Variants in CADPS2 observed in about 807,000 individuals in gnomAD.
The protein encoded by CADPS2 is calcium dependent secretion activator 2, also known as calcium-dependent secretion activator 2.
Under a neutral mutation model 172.5 loss-of-function variants are expected in CADPS2, and 93 were observed. That is an observed-to-expected ratio of 0.54 (90% CI 0.46 to 0.64). The LOEUF (loss-of-function observed/expected upper bound fraction) is 0.64, where lower values mean the gene tolerates loss of function less well. Ranked by LOEUF, CADPS2 falls within the 30% of genes least tolerant of loss-of-function variation. The probability of loss-of-function intolerance (pLI) is 0.00; values close to 1 mark genes in which losing one functional copy is unlikely to be tolerated. For missense variants in CADPS2, 1,420 were observed against 1,565.9 expected, an observed-to-expected ratio of 0.91 and a Z score of 1.57; for synonymous variants, 546 against 555.2, an observed-to-expected ratio of 0.98 and a Z score of 0.23.
At chr7:122,699,070 T>G (rs2085620150) in intron 2 of CADPS2, 1 of 607,448 alleles carries the variant, frequency 1.6e-6, no homozygotes, top group Admixed American at 3.5e-5. Context: ...TAAAGATGGC[T>G]TATGAGTTTC....
At chr7:122,643,820 G>A (rs942421927) in intron 3 of CADPS2, among the ~76,000 whole-genome samples, 1 of 152,120 alleles carries the variant, frequency 6.6e-6, no homozygotes, top group African/African-American at 2.4e-5. Flanking sequence ...ACTTGGCACG[G>A]TAGCTTATGC....
intron 15 of CADPS2, among the ~76,000 whole-genome samples, chr7:122,449,046 G>A (rs987527299): frequency 6.6e-6 from 1 of 152,188 alleles, no homozygotes; most frequent in Admixed American, 6.5e-5. Flanking sequence ...ACTGAATAAA[G>A]CTTGTCTTAA....
intron 3 of CADPS2, among the ~76,000 whole-genome samples, chr7:122,659,775 T>C (rs1287665107): frequency 1.3e-5 from 2 of 152,082 alleles, no homozygotes; most frequent in Non-Finnish European, 2.9e-5. Context: ...AATAACACCT[T>C]ACCTCTAAAG....
At chr7:122,810,220 C>T (rs7802395) in intron 1 of CADPS2, among the ~76,000 whole-genome samples, 30,192 of 151,942 alleles carry the variant, frequency 0.2, 3,113 homozygotes, top group Middle Eastern at 0.3. Flanking sequence ...TCTTCCTTCC[C>T]CAGAACTCTT....
chr7:122,829,524 C>A (rs1265033058), intron 1 of CADPS2, among the ~76,000 whole-genome samples: 2 of 152,008 alleles, frequency 1.3e-5, no homozygotes, highest in African/African-American at 4.8e-5. Flanking sequence ...TTTTATTTAT[C>A]CTATGGAAAA....
chr7:122,611,446 T>A (rs2074281136), intron 6 of CADPS2, among the ~76,000 whole-genome samples: 1 of 152,038 alleles, frequency 6.6e-6, no homozygotes, highest in Non-Finnish European at 1.5e-5. Flanking sequence ...TTAGAGAACT[T>A]GGATGAATTG....
At chr7:122,427,051 G>C (rs2049254283) in intron 17 of CADPS2, 1 of 152,192 alleles carries the variant, frequency 6.6e-6, no homozygotes, top group Non-Finnish European at 1.5e-5. Context: ...GCTGTTCAGA[G>C]TGTTACAGAT....
At chr7:122,368,873 T>C (rs1219607232) in intron 25 of CADPS2, among the ~76,000 whole-genome samples, 2 of 152,004 alleles carry the variant, frequency 1.3e-5, no homozygotes, top group Non-Finnish European at 2.9e-5. Context: ...CTGTCAGTTT[T>C]TAAAAAACCC....
chr7:122,344,515 C>G (rs1238874936), intron 28 of CADPS2, among the ~76,000 whole-genome samples: 1 of 152,018 alleles, frequency 6.6e-6, no homozygotes, highest in African/African-American at 2.4e-5. Flanking sequence ...ATTGTCATGC[C>G]TAAATGAAGA....
At chr7:122,522,279 T>C (rs2060866034) in intron 8 of CADPS2, among the ~76,000 whole-genome samples, 2 of 152,030 alleles carry the variant, frequency 1.3e-5, no homozygotes, top group African/African-American at 4.8e-5. Flanking sequence ...CATACCCAGC[T>C]AATTTTTGTA....
At chr7:122,391,491 G>T (rs1427705459) in intron 22 of CADPS2, among the ~76,000 whole-genome samples, 2 of 151,992 alleles carry the variant, frequency 1.3e-5, no homozygotes, top group East Asian at 3.9e-4. Flanking sequence ...AGGAAGAAAA[G>T]GAGTTAAATT....
intron 9 of CADPS2, among the ~76,000 whole-genome samples, chr7:122,501,060 G>A (rs1347584892): frequency 6.6e-6 from 1 of 151,910 alleles, no homozygotes; most frequent in Admixed American, 6.6e-5. Context: ...TTCAAGACTA[G>A]CGTAGGCAAC....
At chr7:122,669,427 T>C (rs1042196634) in intron 2 of CADPS2, among the ~76,000 whole-genome samples, 1 of 151,586 alleles carries the variant, frequency 6.6e-6, no homozygotes, top group African/African-American at 2.4e-5. Context: ...AGGAGGATTA[T>C]ACAGGCATCT....
intron 2 of CADPS2, among the ~76,000 whole-genome samples, chr7:122,674,233 G>C (rs2082174145): frequency 6.6e-6 from 1 of 152,196 alleles, no homozygotes; most frequent in Admixed American, 6.5e-5. Flanking sequence ...CCTGCAAGCA[G>C]AGGGAGCCAG....
At chr7:122,658,317 T>C (rs1014778993) in intron 3 of CADPS2, among the ~76,000 whole-genome samples, 2 of 152,182 alleles carry the variant, frequency 1.3e-5, no homozygotes, top group African/African-American at 4.8e-5. Flanking sequence ...TCAACCACTG[T>C]GAAAGACAGT....
chr7:122,612,094 C>T (rs1357677532), intron 6 of CADPS2, among the ~76,000 whole-genome samples: 3 of 151,898 alleles, frequency 2.0e-5, no homozygotes, highest in African/African-American at 7.2e-5. Context: ...AAATTCAGAG[C>T]TAAAATCAGA....
chr7:122,834,641 C>T (rs907656697), intron 1 of CADPS2, among the ~76,000 whole-genome samples: 5 of 152,348 alleles, frequency 3.3e-5, no homozygotes, highest in South Asian at 2.1e-4. Flanking sequence ...AGATTATATA[C>T]GGCGCCTGGC....
intron 27 of CADPS2, among the ~76,000 whole-genome samples, chr7:122,351,141 A>G (rs1245995728): frequency 6.6e-6 from 1 of 151,750 alleles, no homozygotes; most frequent in Non-Finnish European, 1.5e-5. Context: ...TGAGGTGGGC[A>G]GATCACGAAG....
intron 7 of CADPS2, among the ~76,000 whole-genome samples, chr7:122,572,574 T>A (rs2067416712): frequency 6.6e-6 from 1 of 152,278 alleles, no homozygotes; most frequent in African/African-American, 2.4e-5. Flanking sequence ...TGACCCTTTA[T>A]CAAGTTAAAG....
Sources: gnomAD v4.1 joint callset for allele counts (sites outside exome capture counted in the v4.1 genomes callset) on GRCh38, gnomAD v4.1.1 for gene constraint, MANE v1.5 for transcripts, NCBI Gene and HGNC (gene_info 2026-07-23, HGNC 2026-07-21) for gene names.